KRT7: variants seen among roughly 807,000 people sequenced by gnomAD.
KRT7 encodes keratin 7, also known as keratin, type II cytoskeletal 7.
Under a neutral mutation model 42.8 loss-of-function variants are expected in KRT7, and 50 were observed. The observed-to-expected ratio is 1.17, with a 90% CI of 0.93 to 1.48. KRT7 has a LOEUF of 1.48. Among genes scored for constraint, KRT7 ranks in the 40% most tolerant of loss-of-function variants. The pLI is 0.00. For synonymous variants in KRT7, 268 were observed against 266.3 expected, an observed-to-expected ratio of 1.01 and a Z score of -0.06; for missense variants, 588 against 637.6, an observed-to-expected ratio of 0.92 and a Z score of 0.84.
downstream of KRT7, chr12:52,252,324 G>A (rs144559518): frequency 7.6e-5 from 123 of 1,614,038 alleles, no homozygotes; most frequent in East Asian, 2.7e-3. Flanking sequence ...GGCCAGCTTG[G>A]AGTTCATCAC....
chr12:52,248,202 G>C lies in KRT7; in HGVS notation c.1231G>C (p.Val411Leu), dbSNP rs146634518. The C allele has an allele frequency of 1.2e-6, 2 of 1,613,932 alleles. No individual in the cohort carries two copies. The highest frequency in any genetic ancestry group is 1.3e-5 in the African/African-American group (1 of 74,932). The change falls in exon 8 of 9, where the codon GTG becomes CTG. Residue 411 changes from valine to leucine, a missense_variant. By Grantham distance (32) the Val-to-Leu change is conservative (BLOSUM62 1). Coordinates refer to ENST00000331817, the MANE Select transcript of KRT7 (RefSeq NM_005556.4). The stretch of plus-strand genomic sequence containing the variant: ...GTTGGCTGGAGATGGAGTGGGAGCC[G>C]TGAATATCTGTAAGTCCTTGGCTGC... ...SRLAGDGVGAVNISVMNSTGG... is the reference protein window; with the variant it reads ...SRLAGDGVGALNISVMNSTGG...
chr12:52,252,147 G>C, downstream of KRT7: 2 of 1,311,710 alleles, frequency 1.5e-6, no homozygotes, highest in Non-Finnish European at 1.1e-6. Context: ...CCTCCAATTA[G>C]CGTTGATGCA....
chr12:52,237,721 C>CGCGTAT (rs1942031105), intron 3 of KRT7, 152 bp downstream of exon 3: 1 of 322,114 alleles, frequency 3.1e-6, no homozygotes, highest in Admixed American at 5.2e-5. Flanking sequence ...CCTGTGGGTG[C>CGCGTAT]GTGTATGTGT....
chr12:52,241,589 A>T lies in KRT7; in HGVS notation c.811A>T (p.Met271Leu). ...IAEVKAQYEE[M>L]AKCSRAEAEA... ...TGAGGTCAAGGCGCAGTATGAGGAG[A>T]TGGCCAAATGCAGCCGGGCTGAGGC... The change falls in exon 5 of 9, where the codon ATG becomes TTG. Residue 271 changes from methionine (M) to leucine (L), a missense_variant. Coordinates refer to ENST00000331817, the MANE Select transcript of KRT7 (RefSeq NM_005556.4). The T allele has an allele frequency of 6.2e-7, 1 of 1,613,230 alleles. No homozygotes were observed. Among genetic ancestry groups the T allele is most frequent in the Non-Finnish European group, 8.5e-7 (1 of 1,179,542 alleles).
At chr12:52,237,792 T>C in intron 3 of KRT7, 1 of 371,680 alleles carries the variant, frequency 2.7e-6, no homozygotes, top group Non-Finnish European at 4.8e-6. Context: ...TCTAGGCCTC[T>C]AGGGGTTAGA....
rs1427069312 is a variant in KRT7, at chr12:52,248,165, C to T, written c.1206-12C>T. The stretch of plus-strand genomic sequence containing the variant: ...GAAAGAGCCGTCCTCACTGTCTGTC[C>T]TCTGCCCCCAGGTTGGCTGGAGATG... On this transcript the variant is annotated splice_polypyrimidine_tract_variant and intron_variant, in intron 7 of 8. Transcript: ENST00000331817. 1 of 1,613,854 alleles carries T rather than the reference C, an allele frequency of 6.2e-7. No individual in the cohort carries two copies. Among genetic ancestry groups the T allele is most frequent in the African/African-American group, 1.3e-5 (1 of 74,928 alleles).
At chr12:52,239,321 GC>G (rs1942052963) in intron 4 of KRT7, among the ~76,000 whole-genome samples, 1 of 152,202 alleles carries the variant, frequency 6.6e-6, no homozygotes, top group Non-Finnish European at 1.5e-5. Flanking sequence ...TCAGGTGAGG[GC>G]AAGAGAAGCT....
At chr12:52,249,591 G>T (rs2121119495), downstream of KRT7, among the ~76,000 whole-genome samples, 1 of 152,230 alleles carries the variant, frequency 6.6e-6, no homozygotes, top group East Asian at 1.9e-4. Flanking sequence ...TGCTTGATGG[G>T]GGCTTCTATG....
chr12:52,248,128 C>T, intron 7 of KRT7, 49 bp from the exon 8 acceptor site: 1 of 1,592,412 alleles, frequency 6.3e-7, no homozygotes, highest in Non-Finnish European at 8.6e-7. Flanking sequence ...GAGCGCTTCC[C>T]TCCCACGCTA....
chr12:52,253,125 A>G, downstream of KRT7: 1 of 1,244,944 alleles, frequency 8.0e-7, no homozygotes, highest in Middle Eastern at 2.3e-4. Context: ...TTGTCCCCAC[A>G]CACTGGCAAG....
intron 7 of KRT7, chr12:52,247,334 C>T (rs1942189423): frequency 6.6e-6 from 1 of 152,214 alleles, no homozygotes; most frequent in Admixed American, 6.5e-5. Context: ...CTCCCAGCAC[C>T]AGCAGGGGCC....
chr12:52,235,586 C>G (rs1455481331), intron 2 of KRT7, among the ~76,000 whole-genome samples: 1 of 152,212 alleles, frequency 6.6e-6, no homozygotes, highest in Non-Finnish European at 1.5e-5. Flanking sequence ...TTTCCCCTGA[C>G]TCAGTCCCAG....
Position 52,233,288 on chromosome 12 carries a change from C to A in KRT7, c.-9C>A. ...CGCCCGCCGCTAGGTCCATCCCGGC[C>A]CAGCCACCATGTCCATCCACTTCAG... On this transcript the variant is annotated 5_prime_UTR_variant, in exon 1 of 9. Coordinates refer to ENST00000331817, the MANE Select transcript of KRT7 (RefSeq NM_005556.4). 6.5e-7 allele frequency: 1 copy of A among 1,538,224 alleles called. No individual in the cohort carries two copies. Among genetic ancestry groups the A allele is most frequent in the East Asian group, 2.6e-5 (1 of 37,784 alleles).
intron 4 of KRT7, among the ~76,000 whole-genome samples, chr12:52,240,464 T>A (rs1340622973): frequency 2.0e-5 from 3 of 151,924 alleles, no homozygotes; most frequent in Admixed American, 6.6e-5. Context: ...ACCCCGTGTC[T>A]ACTAAAAATA....
intron 4 of KRT7, 133 bp from the exon 5 acceptor site, chr12:52,241,339 C>T (rs1942085499): frequency 7.0e-6 from 5 of 716,910 alleles, no homozygotes; most frequent in Middle Eastern, 8.2e-4. Flanking sequence ...GGGTCTGGGC[C>T]CCCTTGCTGC....
intron 1 of KRT7, 142 bp downstream of exon 1, chr12:52,233,762 C>T (rs983996311): frequency 4.8e-6 from 4 of 828,392 alleles, no homozygotes; most frequent in Non-Finnish European, 8.1e-6. Flanking sequence ...GGGACACGAT[C>T]TGGGGGTCCT....
intron 6 of KRT7, chr12:52,243,646 G>T (rs191359442): frequency 6.5e-6 from 1 of 152,726 alleles, no homozygotes; most frequent in South Asian, 2.1e-4. Flanking sequence ...TGCACTTGGC[G>T]TTGCCTCCCC....
chr12:52,253,308 G>A (rs770976050), downstream of KRT7: 1 of 1,612,928 alleles, frequency 6.2e-7, no homozygotes, highest in Admixed American at 1.7e-5. Context: ...GTCTCCCCGT[G>A]CCTGATCACC....
downstream of KRT7, chr12:52,253,435 T>C: frequency 1.3e-6 from 2 of 1,554,430 alleles, no homozygotes; most frequent in Non-Finnish European, 1.8e-6. Flanking sequence ...GCTCAGCCTG[T>C]GCAACCACAC....
Sources: allele counts gnomAD v4.1 joint callset (sites outside exome capture counted in the v4.1 genomes callset), GRCh38; gene constraint gnomAD v4.1.1; transcripts MANE v1.5; gene names NCBI Gene and HGNC (gene_info 2026-07-23, HGNC 2026-07-21).